SV2C: variants seen among roughly 807,000 people sequenced by gnomAD.
The protein encoded by SV2C is solute carrier family 22 member B3.
SV2C carries 49 observed loss-of-function variants against 79.7 expected under a neutral mutation model. The ratio of observed to expected loss-of-function variants is 0.61; its 90% CI spans 0.49 to 0.78. The LOEUF is 0.78. Ranked by LOEUF, SV2C falls within the 30% of genes least tolerant of loss-of-function variation. SV2C has a pLI of 0.00. For synonymous variants in SV2C, 334 were observed against 333.2 expected (o/e 1.00, Z -0.03); for missense variants, 833 against 912.9 (o/e 0.91, Z 1.13).
At chr5:76,242,447 C>G in intron 4 of SV2C, 1 of 581,030 alleles carries the variant, frequency 1.7e-6, no homozygotes, top group South Asian at 1.5e-5. Context: ...CTCGGCCTCC[C>G]AAAGTGCTGT....
intron 2 of SV2C, among the ~76,000 whole-genome samples, chr5:76,135,816 GGTT>G (rs1173377600): frequency 6.6e-6 from 1 of 152,146 alleles, no homozygotes; most frequent in East Asian, 1.9e-4. Context: ...TCTGTTCAGT[GGTT>G]GTTGAGGGGG....
intron 4 of SV2C, among the ~76,000 whole-genome samples, chr5:76,228,212 G>C (rs1455107514): frequency 6.6e-6 from 1 of 152,126 alleles, no homozygotes; most frequent in East Asian, 1.9e-4. Flanking sequence ...CCATCAGGGA[G>C]AATTTCCCTG....
At chr5:76,273,104 G>A (rs1746921192) in intron 4 of SV2C, among the ~76,000 whole-genome samples, 1 of 145,876 alleles carries the variant, frequency 6.9e-6, no homozygotes, top group African/African-American at 2.5e-5. Context: ...TATCCTACAG[G>A]CTCTTTTAGT....
chr5:75,958,146 G>T, the SV2C span, among the ~76,000 whole-genome samples: 4 of 151,934 alleles, frequency 2.6e-5, no homozygotes, highest in African/African-American at 9.7e-5. Context: ...CTGCATCAGA[G>T]AATTAGTTAT....
the SV2C span, among the ~76,000 whole-genome samples, chr5:75,999,817 A>ACT: frequency 6.6e-6 from 1 of 151,964 alleles, no homozygotes. Context: ...GGTGAGGGCT[A>ACT]CTCTCTGCTT....
chr5:75,904,763 A>G, the SV2C span, among the ~76,000 whole-genome samples: 4 of 152,248 alleles, frequency 2.6e-5, no homozygotes, highest in Admixed American at 2.6e-4. Context: ...AATGTCTACA[A>G]TGCGAAAACT....
the SV2C span, among the ~76,000 whole-genome samples, chr5:76,062,289 A>G: frequency 6.6e-6 from 1 of 152,116 alleles, no homozygotes; most frequent in Non-Finnish European, 1.5e-5. Context: ...TCATGAAGGT[A>G]GAGCCCTTGT....
intron 1 of SV2C, among the ~76,000 whole-genome samples, chr5:76,111,771 G>T (rs1488676225): frequency 6.6e-6 from 1 of 152,158 alleles, no homozygotes; most frequent in African/African-American, 2.4e-5. Context: ...ATGTTTGTTG[G>T]CAAGAGAAGG....
chr5:75,996,778 C>A, the SV2C span, among the ~76,000 whole-genome samples: 22 of 151,022 alleles, frequency 1.5e-4, no homozygotes, highest in African/African-American at 4.9e-4. Flanking sequence ...TGATTTGGCT[C>A]TCTGTTTGTC....
At chr5:75,873,774 A>G in the SV2C span, among the ~76,000 whole-genome samples, 1 of 152,150 alleles carries the variant, frequency 6.6e-6, no homozygotes, top group Non-Finnish European at 1.5e-5. Flanking sequence ...AGAAACTACT[A>G]CAAGCACCTG....
the SV2C span, among the ~76,000 whole-genome samples, chr5:75,997,456 A>G: frequency 6.6e-6 from 1 of 152,172 alleles, no homozygotes; most frequent in Non-Finnish European, 1.5e-5. Flanking sequence ...CAAAGGGCTA[A>G]TATCCAGAAT....
chr5:76,013,425 A>G, the SV2C span, among the ~76,000 whole-genome samples: 1 of 152,170 alleles, frequency 6.6e-6, no homozygotes, highest in Non-Finnish European at 1.5e-5. Flanking sequence ...ATTGGTGTAT[A>G]AGAATGCTTG....
chr5:76,316,114 A>G lies in SV2C; in HGVS notation c.2001-9250A>G, dbSNP rs111406660. ...AAAACATCAACATGAGAAAACAGTA[A>G]TATGAATGAAAAAAAAGCAGAAAGC... On this transcript the variant is annotated intron_variant, in intron 12 of 12. Transcript: ENST00000502798. 4.0e-3 allele frequency among the ~76,000 whole-genome samples: 611 copies of G among 152,240 alleles called. 2 individuals are homozygous for G. The highest frequency in any genetic ancestry group is 6.3e-3 in the Non-Finnish European group (426 of 67,992).
the SV2C span, among the ~76,000 whole-genome samples, chr5:76,064,285 G>T: frequency 1.2e-4 from 18 of 152,150 alleles, no homozygotes; most frequent in Non-Finnish European, 2.6e-4. Flanking sequence ...TTTCTTCAAA[G>T]AAACCACAGA....
At chr5:76,351,831 G>A (rs1249944962) in intron 12 of SV2C, among the ~76,000 whole-genome samples, 1 of 152,130 alleles carries the variant, frequency 6.6e-6, no homozygotes, top group East Asian at 1.9e-4. Context: ...ACCCTCGCAT[G>A]GCAAGCTCAG....
chr5:76,013,966 G>A, the SV2C span, among the ~76,000 whole-genome samples: 2 of 152,034 alleles, frequency 1.3e-5, no homozygotes, highest in Non-Finnish European at 2.9e-5. Context: ...TATACATAAA[G>A]CATATTTTAG....
the SV2C span, among the ~76,000 whole-genome samples, chr5:76,066,608 A>AAAG: frequency 6.6e-6 from 1 of 151,954 alleles, no homozygotes; most frequent in East Asian, 1.9e-4. Context: ...GCATAATAAA[A>AAAG]AAGAAGAAGA....
intron 2 of SV2C, chr5:76,174,303 C>G (rs1743453013): frequency 1.1e-6 from 1 of 934,904 alleles, no homozygotes; most frequent in Non-Finnish European, 1.7e-6. Flanking sequence ...GGCGGTCCTG[C>G]CGCTGCCGCG....
At chr5:76,036,128 C>T in the SV2C span, among the ~76,000 whole-genome samples, 17 of 151,866 alleles carry the variant, frequency 1.1e-4, no homozygotes, top group South Asian at 6.3e-4. Context: ...TATTTTGAGC[C>T]TATGTGTGTC....
Sources: gnomAD v4.1 joint callset for allele counts (sites outside exome capture counted in the v4.1 genomes callset) on GRCh38, gnomAD v4.1.1 for gene constraint, MANE v1.5 for transcripts, NCBI Gene and HGNC (gene_info 2026-07-23, HGNC 2026-07-21) for gene names.